The following DPP6 variants were observed in gnomAD, a reference collection of about 807,000 sequenced individuals.
The protein encoded by DPP6 is dipeptidyl peptidase like 6, also known as A-type potassium channel modulatory protein DPP6.
In DPP6, 69 loss-of-function variants were observed where a neutral mutation model predicts 122.6. The observed-to-expected ratio is 0.56, with a 90% CI of 0.46 to 0.69. DPP6 has a LOEUF of 0.69. DPP6 is among the 30% of genes least tolerant of loss of function. The pLI is 0.00. For missense variants in DPP6, 928 were observed against 1,116.9 expected (o/e 0.83, Z 2.41); for synonymous variants, 418 against 433.1 (o/e 0.97, Z 0.43).
intron 7 of DPP6, among the ~76,000 whole-genome samples, chr7:154,705,885 T>A (rs1840802569): frequency 6.6e-6 from 1 of 152,240 alleles, no homozygotes; most frequent in Non-Finnish European, 1.5e-5. Context: ...TACAGCAACA[T>A]CTGATCAATG....
intron 1 of DPP6, among the ~76,000 whole-genome samples, chr7:154,209,581 T>G (rs1799630537): frequency 6.6e-6 from 1 of 151,028 alleles, no homozygotes; most frequent in Admixed American, 6.6e-5. Context: ...CAGCTGCGAC[T>G]GAAAAAGATC....
chr7:153,789,447 C>T, the DPP6 span, among the ~76,000 whole-genome samples: 10 of 152,212 alleles, frequency 6.6e-5, no homozygotes, highest in African/African-American at 2.4e-4. Context: ...CACAACCATA[C>T]CTGAATACCT....
intron 1 of DPP6, among the ~76,000 whole-genome samples, chr7:154,096,622 T>G (rs1348752214): frequency 6.6e-6 from 1 of 152,226 alleles, no homozygotes; most frequent in Non-Finnish European, 1.5e-5. Context: ...GGAAGATTTT[T>G]TATTATATAA....
At chr7:154,636,967 T>C (rs1221565427) in intron 5 of DPP6, among the ~76,000 whole-genome samples, 2 of 152,124 alleles carry the variant, frequency 1.3e-5, no homozygotes, top group Non-Finnish European at 2.9e-5. Flanking sequence ...AAGGAAAGGG[T>C]TGGGGGAAAT....
At chr7:154,324,549 C>A (rs1396274718) in intron 1 of DPP6, among the ~76,000 whole-genome samples, 1 of 152,202 alleles carries the variant, frequency 6.6e-6, no homozygotes, top group Non-Finnish European at 1.5e-5. Context: ...ACCGCCGGGT[C>A]TCCCTCTGCC....
chr7:154,297,885 C>T lies in DPP6; in HGVS notation c.244-148329C>T, dbSNP rs78874398. ...GCGTGCACGCTGACAGATGCTGCGA[C>T]GAGCTTTTCCAGTTGCTGCCTGTCA... On this transcript the variant is annotated intron_variant, in intron 1 of 25. Coordinates refer to ENST00000377770, the MANE Select transcript of DPP6 (RefSeq NM_130797.4). Among the ~76,000 whole-genome samples the T allele has an allele frequency of 5.1e-3, 781 of 152,276 alleles. 9 individuals carry two copies. Among genetic ancestry groups the T allele is most frequent in the East Asian group, 0.045 (234 of 5,170 alleles).
intron 1 of DPP6, among the ~76,000 whole-genome samples, chr7:154,313,818 T>G (rs1424882497): frequency 2.0e-5 from 3 of 149,612 alleles, no homozygotes. Context: ...AGACTCAATA[T>G]AATTATTAAT....
chr7:154,748,826 GT>G (rs1843165218), intron 8 of DPP6, among the ~76,000 whole-genome samples: 1 of 152,236 alleles, frequency 6.6e-6, no homozygotes, highest in Non-Finnish European at 1.5e-5. Flanking sequence ...TGCAAGCCCA[GT>G]TCCCATCAAC....
chr7:154,091,533 A>C (rs1431430928), intron 1 of DPP6, among the ~76,000 whole-genome samples: 1 of 152,154 alleles, frequency 6.6e-6, no homozygotes, highest in Non-Finnish European at 1.5e-5. Flanking sequence ...CTGCTGTGTT[A>C]GTTGTGTCCC....
chr7:154,734,706 T>C (rs1842495447), intron 8 of DPP6, among the ~76,000 whole-genome samples: 1 of 152,242 alleles, frequency 6.6e-6, no homozygotes, highest in African/African-American at 2.4e-5. Flanking sequence ...AGCTCCTTTG[T>C]GGAAGAGCAG....
chr7:154,007,329 A>G (rs1797952490), intron 1 of DPP6, among the ~76,000 whole-genome samples: 2 of 152,228 alleles, frequency 1.3e-5, no homozygotes, highest in African/African-American at 2.4e-5. Context: ...ATTAATTTGT[A>G]CAATAGTGGT....
the DPP6 span, among the ~76,000 whole-genome samples, chr7:153,840,377 A>C: frequency 6.6e-6 from 1 of 152,114 alleles, no homozygotes; most frequent in Admixed American, 6.5e-5. Context: ...TCTAGTAAAA[A>C]TTCTTACTCT....
In DPP6 at chr7:154,875,764, C is replaced by G; in HGVS notation, c.1884-142C>G. ...CACCTGGCTCACCTGCCCGGGGCAA[C>G]AGAATCTGGGGTATGGAGTTGAGCG... On this transcript the variant is annotated intron_variant, in intron 19 of 25. Coordinates refer to ENST00000377770, the MANE Select transcript of DPP6 (RefSeq NM_130797.4). The surrounding 1 kb of genome is among the most constrained non-coding windows in gnomAD (Gnocchi z 4.5). 7.9e-7 allele frequency: 1 copy of G among 1,267,374 alleles called. No homozygotes were observed. The highest frequency in any genetic ancestry group is 2.5e-5 in the East Asian group (1 of 39,356). The allele number at this position is 1,267,374 out of a possible 1,614,324, so 78.5% of individuals were successfully genotyped here. A position where few individuals can be genotyped will look rare whatever the true frequency, so the allele number is the denominator to read the frequency against.
chr7:153,824,218 GTC>G, the DPP6 span, among the ~76,000 whole-genome samples: 12 of 151,768 alleles, frequency 7.9e-5, no homozygotes, highest in Non-Finnish European at 1.3e-4. Context: ...GTGAAACCCT[GTC>G]TCTACTAAAT....
the DPP6 span, among the ~76,000 whole-genome samples, chr7:153,863,564 C>T: frequency 2.0e-5 from 3 of 152,130 alleles, no homozygotes; most frequent in Admixed American, 6.5e-5. Context: ...GGTTAAGACT[C>T]CCATCTCTAA....
chr7:154,768,166 C>T (rs182465561), intron 8 of DPP6, among the ~76,000 whole-genome samples: 236 of 152,346 alleles, frequency 1.5e-3, no homozygotes, highest in African/African-American at 5.3e-3. Context: ...ACTGACCTGG[C>T]GCTAAGCCCC....
At chr7:153,778,094 A>T in the DPP6 span, among the ~76,000 whole-genome samples, 1 of 149,734 alleles carries the variant, frequency 6.7e-6, no homozygotes. Flanking sequence ...ACTCTAGTAA[A>T]TTTATTTCTA....
intron 1 of DPP6, among the ~76,000 whole-genome samples, chr7:154,423,738 T>C (rs1341608950): frequency 6.6e-6 from 1 of 152,234 alleles, no homozygotes; most frequent in African/African-American, 2.4e-5. Flanking sequence ...TGTATCTCAG[T>C]GATGATTAAT....
chr7:153,882,207 G>C (rs1798776562), upstream of DPP6, among the ~76,000 whole-genome samples: 1 of 152,182 alleles, frequency 6.6e-6, no homozygotes, highest in Non-Finnish European at 1.5e-5. Flanking sequence ...TTTTCTAGTA[G>C]ATATCTTCCT....
Sources: gnomAD v4.1 joint callset for allele counts (sites outside exome capture counted in the v4.1 genomes callset) on GRCh38, gnomAD v4.1.1 for gene constraint, Gnocchi (gnomAD v3.1) non-coding constraint, MANE v1.5 for transcripts, NCBI Gene and HGNC (gene_info 2026-07-23, HGNC 2026-07-21) for gene names.